The following SLC26A4 variants were observed in gnomAD, a reference collection of about 807,000 sequenced individuals.
The protein encoded by SLC26A4 is solute carrier family 26 member 4.
In SLC26A4, 93 loss-of-function variants were observed where a neutral mutation model predicts 90.4. The observed-to-expected ratio is 1.03, with a 90% confidence interval of 0.87 to 1.22. SLC26A4 has a LOEUF of 1.22. Ranked by LOEUF, SLC26A4 falls within the 50% of genes most tolerant of loss-of-function variation. SLC26A4 has a pLI of 0.00. For missense variants in SLC26A4, 1,127 were observed against 946.2 expected (o/e 1.19, Z -2.51); for synonymous variants, 393 against 354.6 (o/e 1.11, Z -1.22).
In SLC26A4 at chr7:107,701,121, A is replaced by T; in HGVS notation, c.1728A>T (p.Arg576Ser). 6.8e-6 allele frequency: 11 copies of T among 1,607,228 alleles called. No individual in the cohort carries two copies. Among genetic ancestry groups the T allele is most frequent in the Non-Finnish European group, 9.4e-6 (11 of 1,173,758 alleles). ...IKSTVGFDAI[R>S]VYNKRLKALR... is the part of the protein sequence containing the mutation. Reference sequence around the variant, plus strand: ...CAAAGGTTGGATTTGATGCCATTAGAGTATATAATAAGAGGCTGAAAGCGC... The same window carrying T: ...CAAAGGTTGGATTTGATGCCATTAGTGTATATAATAAGAGGCTGAAAGCGC... The change falls in exon 16 of 21, where the codon AGA becomes AGT. Residue 576 changes from arginine (R) to serine (S), a missense_variant. Arg to Ser is a moderately radical substitution (Grantham distance 110, BLOSUM62 -1). Transcript: ENST00000644269.
chr7:107,669,299 C>T (rs74414158), intron 3 of SLC26A4, among the ~76,000 whole-genome samples: 2,272 of 152,142 alleles, frequency 0.015, 49 homozygotes, highest in African/African-American at 0.05. Flanking sequence ...ACTGTTGTAC[C>T]AAGTTTCTTT....
In SLC26A4 at chr7:107,695,965, C is replaced by T. The variant is rs140918297; in HGVS notation, c.1470C>T (p.Ile490=). The T allele has an allele frequency of 7.6e-5, 122 of 1,611,166 alleles. No homozygotes were observed. The Admixed American group carries it at 2.0e-3, about 26-fold the overall frequency. ...GGGTGTTTACGTGTATAGTGTCCAT[C>T]ATTCTGGGGCTGGATCTCGGTTTAC... ...VIWVFTCIVS[I]ILGLDLGLLA... Residue 490 remains isoleucine (I), a synonymous_variant, in exon 13 of 21, where the codon ATC becomes ATT. Transcript: ENST00000644269.
chr7:107,692,004 A>G (rs1791589711), intron 10 of SLC26A4: 1 of 1,289,042 alleles, frequency 7.8e-7, no homozygotes, highest in Non-Finnish European at 1.0e-6. Flanking sequence ...GGGTGCAGGC[A>G]AATCTCAAAC....
intron 8 of SLC26A4, 96 bp downstream of exon 8, chr7:107,683,633 G>T: frequency 1.1e-6 from 1 of 923,518 alleles, no homozygotes; most frequent in Non-Finnish European, 1.7e-6. Context: ...TCATTTCACT[G>T]ATACTCCTTC....
chr7:107,684,475 G>T (rs1791340810), intron 8 of SLC26A4, among the ~76,000 whole-genome samples: 1 of 152,134 alleles, frequency 6.6e-6, no homozygotes, highest in Non-Finnish European at 1.5e-5. Context: ...TTATTCTACA[G>T]GGAACTGCTG....
chr7:107,663,184 C>A, intron 2 of SLC26A4, 112 bp from the exon 3 acceptor site: 1 of 1,227,832 alleles, frequency 8.1e-7, no homozygotes. Context: ...AATACTTATC[C>A]TTTTTCCAAA....
At chr7:107,671,798 A>T (rs1790874233) in intron 3 of SLC26A4, among the ~76,000 whole-genome samples, 1 of 152,204 alleles carries the variant, frequency 6.6e-6, no homozygotes, top group South Asian at 2.1e-4. Context: ...TTAAGTCAAA[A>T]ATGCACTTAA....
intron 19 of SLC26A4, among the ~76,000 whole-genome samples, chr7:107,710,675 C>T (rs936539243): frequency 6.6e-5 from 10 of 152,146 alleles, no homozygotes; most frequent in African/African-American, 1.7e-4. Context: ...GTTAATTTTT[C>T]CCTACAAAAT....
chr7:107,691,075 C>A (rs145345154), intron 10 of SLC26A4, among the ~76,000 whole-genome samples: 23 of 148,922 alleles, frequency 1.5e-4, no homozygotes, highest in African/African-American at 5.7e-4. Flanking sequence ...ATTGAGACTC[C>A]AAAGAACAAC....
chr7:107,696,389 A>G (rs888813949), intron 13 of SLC26A4, among the ~76,000 whole-genome samples: 2 of 152,220 alleles, frequency 1.3e-5, no homozygotes, highest in African/African-American at 4.8e-5. Flanking sequence ...GTAAGACTAA[A>G]AAGTACATAG....
Position 107,686,405 on chromosome 7 carries a change from T to TTTTCTTTCTTTCTTTCTTTC in SLC26A4, c.1002-2616_1002-2597dup, listed in dbSNP as rs774114215. Among the ~76,000 whole-genome samples the TTTTCTTTCTTTCTTTCTTTC allele has an allele frequency of 2.7e-3, 225 of 82,558 alleles. 3 individuals carry two copies. The highest frequency in any genetic ancestry group is 0.013 in the East Asian group (29 of 2,168). 54.2% of individuals were successfully genotyped at this position (82,558 alleles called of 152,430 possible). ...TCCTTCCTTCCTTCCTCTCTCTCTTTTTTCTTTCTTTCTTTCTTTCTTTCT... is the reference window on the plus strand; with the variant it reads ...TCCTTCCTTCCTTCCTCTCTCTCTTTTTTCTTTCTTTCTTTCTTTCTTTCTTTCTTTCTTTCTTTCTTTCT... On this transcript the variant is annotated intron_variant, in intron 8 of 20. Coordinates refer to ENST00000644269, the MANE Select transcript of SLC26A4 (RefSeq NM_000441.2).
At chr7:107,693,200 T>G in intron 10 of SLC26A4, 1 of 575,000 alleles carries the variant, frequency 1.7e-6, no homozygotes, top group Non-Finnish European at 2.2e-6. Context: ...GGAAGTAGGA[T>G]ATCAGCTTCT....
chr7:107,697,145 A>T (rs1300532872), intron 13 of SLC26A4, among the ~76,000 whole-genome samples: 1 of 152,212 alleles, frequency 6.6e-6, no homozygotes, highest in Non-Finnish European at 1.5e-5. Context: ...GCTCCTTAGA[A>T]GATGCTGTCT....
In SLC26A4 at chr7:107,701,200, A is replaced by G; in HGVS notation, c.1803+4A>G. On this transcript the variant is annotated splice_donor_region_variant and intron_variant, in intron 16 of 20. Coordinates refer to ENST00000644269, the MANE Select transcript of SLC26A4 (RefSeq NM_000441.2). The stretch of plus-strand genomic sequence containing the variant: ...TGGACAATTAAGAGCAACAAAGGTG[A>G]GATGACATCTTTCTTTTCCCCCTTA... 1 of 1,549,992 alleles carries G rather than the reference A, an allele frequency of 6.5e-7. No homozygotes were observed. The highest frequency in any genetic ancestry group is 8.9e-7 in the Non-Finnish European group (1 of 1,121,718).
chr7:107,679,036 AAT>A (rs1212785573), intron 6 of SLC26A4, among the ~76,000 whole-genome samples: 1 of 152,204 alleles, frequency 6.6e-6, no homozygotes, highest in Non-Finnish European at 1.5e-5. Context: ...TAGGGGAGAA[AAT>A]ATTAGAAGAA....
At position 107,661,891 on chromosome 7, in the gene SLC26A4, G is replaced by A; in HGVS notation, c.164+86G>A. 7.0e-7 allele frequency: 1 copy of A among 1,426,054 alleles called. No individual in the cohort carries two copies. 88.3% of individuals were successfully genotyped at this position (1,426,054 alleles called of 1,614,324 possible). On this transcript the variant is annotated intron_variant, in intron 2 of 20. Coordinates refer to ENST00000644269, the MANE Select transcript of SLC26A4 (RefSeq NM_000441.2). The surrounding 1 kb of genome is among the most constrained non-coding windows in gnomAD (Gnocchi z 5.1). ...GGAAGGGCGTCCCCAGCGGGCGAGA[G>A]TGGGGTGCGGGCGGCGGAGCCCCTG...
intron 18 of SLC26A4, among the ~76,000 whole-genome samples, chr7:107,705,746 GAAAATT>G (rs1475400509): frequency 3.3e-5 from 5 of 152,230 alleles, no homozygotes; most frequent in African/African-American, 4.8e-5. Flanking sequence ...ACAAGTAAGG[GAAAATT>G]AAAAGGGATA....
intron 19 of SLC26A4, among the ~76,000 whole-genome samples, chr7:107,710,656 A>C (rs1792159901): frequency 6.6e-6 from 1 of 152,228 alleles, no homozygotes; most frequent in Non-Finnish European, 1.5e-5. Flanking sequence ...AGCCACAAAG[A>C]AGCCCAGGGT....
At position 107,683,596 on chromosome 7, in the gene SLC26A4, T is replaced by G. The variant is rs920301077; in HGVS notation, c.1001+59T>G. 7.4e-6 allele frequency: 10 copies of G among 1,358,292 alleles called. No individual in the cohort carries two copies. In the South Asian group the frequency reaches 1.2e-4, roughly 16 times the overall value. The allele number at this position is 1,358,292 out of a possible 1,614,324, so 84.1% of individuals were successfully genotyped here. On this transcript the variant is annotated intron_variant, in intron 8 of 20. Transcript: ENST00000644269. ...TAAGTCAGTAAGTCAGTCTTTTTTA[T>G]TTAAATAAAACCTTTTATTACAAGC... is the stretch of plus-strand genomic sequence containing the variant.
Sources: gnomAD v4.1 joint callset for allele counts (sites outside exome capture counted in the v4.1 genomes callset) on GRCh38, gnomAD v4.1.1 for gene constraint, Gnocchi (gnomAD v3.1) non-coding constraint, MANE v1.5 for transcripts, NCBI Gene and HGNC (gene_info 2026-07-23, HGNC 2026-07-21) for gene names.